SUZ12: variants seen among roughly 807,000 people sequenced by gnomAD.
The protein encoded by SUZ12 is SUZ12 polycomb repressive complex 2 subunit.
SUZ12 carries 17 observed loss-of-function variants against 87.3 expected under a neutral mutation model. The ratio of observed to expected loss-of-function variants is 0.19; its 90% CI spans 0.13 to 0.29. SUZ12 has a LOEUF of 0.29. Ranked by LOEUF, SUZ12 falls within the 10% of genes least tolerant of loss-of-function variation. SUZ12 has a pLI of 1.00. For missense variants in SUZ12, 526 were observed against 912.2 expected (o/e 0.58, Z 5.45); for synonymous variants, 253 against 312.4 (o/e 0.81, Z 2.01).
intron 10 of SUZ12, among the ~76,000 whole-genome samples, chr17:31,992,307 A>T (rs980837244): frequency 2.0e-5 from 3 of 152,154 alleles, no homozygotes; most frequent in Admixed American, 6.5e-5. Flanking sequence ...ACAAAAAAAC[A>T]CATTCTGACC....
chr17:31,961,143 G>A (rs1335066639), intron 4 of SUZ12, among the ~76,000 whole-genome samples: 1 of 151,944 alleles, frequency 6.6e-6, no homozygotes, highest in Non-Finnish European at 1.5e-5. Flanking sequence ...ACCCTGGGAG[G>A]CAGAAGTTAC....
intron 4 of SUZ12, among the ~76,000 whole-genome samples, chr17:31,954,445 A>G (rs555846868): frequency 1.3e-5 from 2 of 152,008 alleles, no homozygotes; most frequent in African/African-American, 4.8e-5. Flanking sequence ...TTATTTTTAC[A>G]ATAAGAAGGC....
intron 5 of SUZ12, among the ~76,000 whole-genome samples, chr17:31,968,508 A>G (rs1315790542): frequency 6.6e-6 from 1 of 152,216 alleles, no homozygotes. Context: ...CGGGGATTAC[A>G]GGTGTGAGCC....
At position 31,974,930 on chromosome 17, in the gene SUZ12, GT is replaced by G. The variant is rs200402337; in HGVS notation, c.592-547del. On this transcript the variant is annotated intron_variant, in intron 6 of 15. Coordinates refer to ENST00000322652, the MANE Select transcript of SUZ12 (RefSeq NM_015355.4). ...ATCATTGGTAGATAAAACCAGTTTT[GT>G]TTTTGTTTTTTTAAGGATGATGATT... Among the ~76,000 whole-genome samples, 1,285 of 151,572 alleles carry G rather than the reference GT, an allele frequency of 8.5e-3. 17 individuals are homozygous for G. The highest frequency in any genetic ancestry group is 0.03 in the African/African-American group (1,234 of 41,326).
chr17:31,938,605 T>C (rs1407905964), intron 1 of SUZ12, among the ~76,000 whole-genome samples: 1 of 152,236 alleles, frequency 6.6e-6, no homozygotes, highest in Non-Finnish European at 1.5e-5. Flanking sequence ...AGATTCACAT[T>C]ATTCACGTAT....
intron 3 of SUZ12, among the ~76,000 whole-genome samples, chr17:31,943,490 G>T (rs187379430): frequency 1.9e-3 from 291 of 152,172 alleles, no homozygotes; most frequent in Non-Finnish European, 3.0e-3. Context: ...TTTTTGTGAG[G>T]GTAGGGGAGA....
chr17:31,982,171 T>TA (rs1909148971), intron 8 of SUZ12, among the ~76,000 whole-genome samples: 1 of 152,206 alleles, frequency 6.6e-6, no homozygotes, highest in South Asian at 2.1e-4. Context: ...CATGAAGTGT[T>TA]TATTGAGCAC....
chr17:31,961,144 C>T (rs1469034497), intron 4 of SUZ12, among the ~76,000 whole-genome samples: 1 of 151,280 alleles, frequency 6.6e-6, no homozygotes, highest in Non-Finnish European at 1.5e-5. Flanking sequence ...CCCTGGGAGG[C>T]AGAAGTTACA....
At chr17:31,972,237 A>C (rs917194141) in intron 5 of SUZ12, among the ~76,000 whole-genome samples, 1 of 151,942 alleles carries the variant, frequency 6.6e-6, no homozygotes, top group Admixed American at 6.6e-5. Flanking sequence ...GTGAACCAAG[A>C]TCGCCCTACT....
intron 8 of SUZ12, among the ~76,000 whole-genome samples, chr17:31,978,189 C>T (rs928935411): frequency 2.2e-4 from 34 of 151,956 alleles, no homozygotes; most frequent in African/African-American, 7.7e-4. Flanking sequence ...GCCATTCCTC[C>T]TATTGTTTAT....
At chr17:31,995,279 T>C (rs1225556666) in intron 13 of SUZ12, among the ~76,000 whole-genome samples, 2 of 152,238 alleles carry the variant, frequency 1.3e-5, no homozygotes, top group Non-Finnish European at 2.9e-5. Context: ...CATATTCCTA[T>C]CTGAATGTGC....
intron 5 of SUZ12, among the ~76,000 whole-genome samples, chr17:31,968,670 T>C (rs775825949): frequency 1.2e-4 from 18 of 152,234 alleles, no homozygotes; most frequent in Admixed American, 2.0e-4. Flanking sequence ...TTGTTTTCCT[T>C]AAATTATTTG....
At chr17:31,961,385 A>G (rs1290180406) in intron 4 of SUZ12, among the ~76,000 whole-genome samples, 1 of 152,036 alleles carries the variant, frequency 6.6e-6, no homozygotes, top group Non-Finnish European at 1.5e-5. Flanking sequence ...CATCTCTACT[A>G]AAAACAGGAA....
At chr17:31,958,648 C>G (rs1453812650) in intron 4 of SUZ12, among the ~76,000 whole-genome samples, 2 of 152,154 alleles carry the variant, frequency 1.3e-5, no homozygotes, top group Non-Finnish European at 2.9e-5. Context: ...GAGATTGAGA[C>G]TATCCTGGCC....
At chr17:31,957,725 T>TTTTTTTTTTTTTTTTTTTTTTTTTTG (rs1907440752) in intron 4 of SUZ12, among the ~76,000 whole-genome samples, 1 of 151,702 alleles carries the variant, frequency 6.6e-6, no homozygotes, top group African/African-American at 2.4e-5. Flanking sequence ...TTTGTATTTT[T>TTTTTTTTTTTTTTTTTTTTTTTTTTG]AGCAGAGATG....
At chr17:31,982,047 G>T (rs1284293535) in intron 8 of SUZ12, among the ~76,000 whole-genome samples, 6 of 152,114 alleles carry the variant, frequency 3.9e-5, no homozygotes, top group Admixed American at 3.9e-4. Flanking sequence ...GAGTAGTAGT[G>T]GTTACTAGTG....
intron 15 of SUZ12, among the ~76,000 whole-genome samples, chr17:31,997,564 G>A (rs970664545): frequency 6.6e-6 from 1 of 150,982 alleles, no homozygotes; most frequent in Non-Finnish European, 1.5e-5. Flanking sequence ...TCGGGAGGCT[G>A]AGGCACTATA....
intron 3 of SUZ12, among the ~76,000 whole-genome samples, chr17:31,944,136 A>AT (rs927956736): frequency 6.0e-5 from 9 of 151,066 alleles, no homozygotes; most frequent in African/African-American, 9.7e-5. Flanking sequence ...TATTATTATT[A>AT]TTTTTTTTTG....
chr17:31,979,112 A>AAG (rs916697954), intron 8 of SUZ12, among the ~76,000 whole-genome samples: 1 of 148,188 alleles, frequency 6.7e-6, no homozygotes, highest in Non-Finnish European at 1.5e-5. Flanking sequence ...CCAAAAAAAA[A>AAG]AAAAAAAAAA....
Sources: gnomAD v4.1 joint callset for allele counts (sites outside exome capture counted in the v4.1 genomes callset) on GRCh38, gnomAD v4.1.1 for gene constraint, MANE v1.5 for transcripts, NCBI Gene and HGNC (gene_info 2026-07-23, HGNC 2026-07-21) for gene names.